Variants in DSCAM observed in about 807,000 individuals in gnomAD.
DSCAM encodes DS cell adhesion molecule.
In DSCAM, 47 loss-of-function variants were observed where a neutral mutation model predicts 217.7. That is an observed-to-expected ratio of 0.22 (90% CI 0.17 to 0.28). The LOEUF (loss-of-function observed/expected upper bound fraction) is 0.28, where lower values mean the gene tolerates loss of function less well. Ranked by LOEUF, DSCAM falls within the 10% of genes least tolerant of loss-of-function variation. DSCAM has a pLI of 1.00. For missense variants in DSCAM, 2,080 were observed against 2,618.3 expected, an observed-to-expected ratio of 0.79 and a Z score of 4.49; for synonymous variants, 1,056 against 1,015.3, an observed-to-expected ratio of 1.04 and a Z score of -0.76.
chr21:40,536,391 C>G (rs892976067), intron 3 of DSCAM, among the ~76,000 whole-genome samples: 2 of 149,884 alleles, frequency 1.3e-5, no homozygotes, highest in African/African-American at 4.9e-5. Context: ...CAAAGCTGAC[C>G]GGTAGAGTCT....
Position 40,202,322 on chromosome 21 carries a change from C to T in DSCAM, c.2357-13084G>A, listed in dbSNP as rs111739019. ...CCATGTTCTAACTTTTGAGCAGCTG[C>T]TTTATGTACAGCTGTTTTTCATGGA... is the stretch of plus-strand genomic sequence containing the variant. On this transcript the variant is annotated intron_variant, in intron 11 of 32. Coordinates refer to ENST00000400454, the MANE Select transcript of DSCAM (RefSeq NM_001389.5). 4.6e-3 allele frequency among the ~76,000 whole-genome samples: 706 copies of T among 152,340 alleles called. 2 individuals carry two copies. Among genetic ancestry groups the T allele is most frequent in the Non-Finnish European group, 8.5e-3 (576 of 68,024 alleles).
intron 32 of DSCAM, among the ~76,000 whole-genome samples, chr21:40,017,712 T>A (rs1002113069): frequency 6.6e-6 from 1 of 152,174 alleles, no homozygotes; most frequent in Admixed American, 6.5e-5. Flanking sequence ...CCACCACGCC[T>A]GGCTAATTTT....
intron 3 of DSCAM, among the ~76,000 whole-genome samples, chr21:40,689,901 T>G (rs938332745): frequency 2.6e-5 from 4 of 152,216 alleles, no homozygotes; most frequent in African/African-American, 7.2e-5. Context: ...TTCCTGGGAC[T>G]TCTGTGCTAT....
At chr21:40,731,737 C>CG (rs1343986446) in intron 1 of DSCAM, among the ~76,000 whole-genome samples, 4 of 130,922 alleles carry the variant, frequency 3.1e-5, no homozygotes, top group African/African-American at 8.4e-5. Flanking sequence ...CACCCCCCCC[C>CG]CCGCCCCCCG....
At chr21:40,785,513 G>A (rs573440848) in intron 1 of DSCAM, among the ~76,000 whole-genome samples, 1 of 152,332 alleles carries the variant, frequency 6.6e-6, no homozygotes, top group African/African-American at 2.4e-5. Flanking sequence ...ACAAAAAATA[G>A]AGAGTACTTT....
chr21:40,211,292 T>C (rs557287470), intron 11 of DSCAM, among the ~76,000 whole-genome samples: 1 of 152,330 alleles, frequency 6.6e-6, no homozygotes, highest in Non-Finnish European at 1.5e-5. Flanking sequence ...TTTGTTGTTG[T>C]TGTTGTTGCT....
intron 32 of DSCAM, among the ~76,000 whole-genome samples, chr21:40,041,381 T>G (rs2146474597): frequency 6.6e-6 from 1 of 152,304 alleles, no homozygotes; most frequent in East Asian, 1.9e-4. Context: ...AAAGATGGGT[T>G]TTATTTGCCC....
intron 3 of DSCAM, among the ~76,000 whole-genome samples, chr21:40,683,121 T>C (rs916370944): frequency 1.2e-4 from 18 of 152,148 alleles, no homozygotes; most frequent in African/African-American, 4.1e-4. Context: ...GCTCCAGGAC[T>C]ATAAGGAAAT....
chr21:40,345,697 T>C (rs1343508549), intron 6 of DSCAM, among the ~76,000 whole-genome samples: 3 of 152,212 alleles, frequency 2.0e-5, no homozygotes, highest in Non-Finnish European at 2.9e-5. Context: ...TCAGTGAGAA[T>C]AATGGGAGTG....
At chr21:40,576,747 G>A (rs534558944) in intron 3 of DSCAM, among the ~76,000 whole-genome samples, 5 of 151,860 alleles carry the variant, frequency 3.3e-5, no homozygotes, top group African/African-American at 9.7e-5. Flanking sequence ...AGCCCCATAG[G>A]AGCACAATGA....
chr21:40,593,013 A>G (rs2076995063), intron 3 of DSCAM, among the ~76,000 whole-genome samples: 1 of 152,230 alleles, frequency 6.6e-6, no homozygotes, highest in Admixed American at 6.5e-5. Flanking sequence ...ATGTTTGAAG[A>G]GCCAAAATAG....
intron 3 of DSCAM, among the ~76,000 whole-genome samples, chr21:40,523,417 C>T (rs1275587866): frequency 6.6e-6 from 1 of 152,146 alleles, no homozygotes; most frequent in African/African-American, 2.4e-5. Flanking sequence ...AGTGGCTGGA[C>T]TTCGGGAGGA....
intron 3 of DSCAM, among the ~76,000 whole-genome samples, chr21:40,499,928 C>G (rs541297857): frequency 2.1e-3 from 321 of 152,110 alleles, no homozygotes; most frequent in African/African-American, 7.1e-3. Flanking sequence ...CTACAGACAC[C>G]CACCACCACA....
At chr21:40,368,268 T>C (rs930156163) in intron 4 of DSCAM, among the ~76,000 whole-genome samples, 1 of 152,226 alleles carries the variant, frequency 6.6e-6, no homozygotes, top group African/African-American at 2.4e-5. Context: ...AAGCAGAATA[T>C]TGTGCTCTCC....
At chr21:40,742,746 T>C (rs1186012075) in intron 1 of DSCAM, among the ~76,000 whole-genome samples, 2 of 152,194 alleles carry the variant, frequency 1.3e-5, no homozygotes, top group Non-Finnish European at 2.9e-5. Flanking sequence ...TTACGTCCTA[T>C]CCTTACAACA....
intron 6 of DSCAM, among the ~76,000 whole-genome samples, chr21:40,344,565 G>A (rs529940193): frequency 3.3e-5 from 5 of 152,044 alleles, no homozygotes; most frequent in East Asian, 3.9e-4. Flanking sequence ...TTTGTTTTTC[G>A]TTTTCTTTTC....
intron 21 of DSCAM, among the ~76,000 whole-genome samples, chr21:40,093,449 C>T (rs954716315): frequency 6.6e-6 from 1 of 152,156 alleles, no homozygotes; most frequent in African/African-American, 2.4e-5. Context: ...TTCAGCTACT[C>T]CAAGGAATGA....
intron 1 of DSCAM, among the ~76,000 whole-genome samples, chr21:40,837,277 T>A (rs2092064715): frequency 6.6e-6 from 1 of 152,108 alleles, no homozygotes; most frequent in African/African-American, 2.4e-5. Flanking sequence ...TACTCTCCCA[T>A]CCTCAGCAAT....
At position 40,411,175 on chromosome 21, in the gene DSCAM, TACACACACACACACAC is replaced by T. The variant is rs902494368; in HGVS notation, c.509-41946_509-41931del. Among the ~76,000 whole-genome samples, 17 of 45,138 alleles carry T rather than the reference TACACACACACACACAC, an allele frequency of 3.8e-4. No individual in the cohort carries two copies. The East Asian group carries it at 6.2e-3, about 16-fold the overall frequency. The allele number at this position is 45,138 out of a possible 152,430, so 29.6% of individuals were successfully genotyped here. On this transcript the variant is annotated intron_variant, in intron 3 of 32. Coordinates refer to ENST00000400454, the MANE Select transcript of DSCAM (RefSeq NM_001389.5). ...TACTTGAAGATAGACAGTAATTATATACACACACACACACACACACACACACACACACACACACACA... is the reference window on the plus strand; with the variant it reads ...TACTTGAAGATAGACAGTAATTATATACACACACACACACACACACACACA...
Sources: gnomAD v4.1 joint callset for allele counts (sites outside exome capture counted in the v4.1 genomes callset) on GRCh38, gnomAD v4.1.1 for gene constraint, MANE v1.5 for transcripts, NCBI Gene and HGNC (gene_info 2026-07-23, HGNC 2026-07-21) for gene names.